Variants in FRS2 observed in about 807,000 individuals in gnomAD.
FRS2 encodes fibroblast growth factor receptor substrate 2.
Under a neutral mutation model 43.9 loss-of-function variants are expected in FRS2, and 8 were observed. The observed-to-expected ratio is 0.18, with a 90% CI of 0.11 to 0.33. The LOEUF (loss-of-function observed/expected upper bound fraction) is 0.33. Among genes scored for constraint, FRS2 ranks in the 10% least tolerant of loss-of-function variants. The pLI is 1.00. For missense variants in FRS2, 534 were observed against 627.6 expected (o/e 0.85, Z 1.59); for synonymous variants, 219 against 220.3 (o/e 0.99, Z 0.05).
chr12:69,546,101 A>G (rs550609687), intron 3 of FRS2, among the ~76,000 whole-genome samples: 2 of 152,332 alleles, frequency 1.3e-5, no homozygotes, highest in African/African-American at 4.8e-5. Flanking sequence ...TCAAAACCAA[A>G]AACTAATTTA....
At chr12:69,504,596 A>G (rs927763019) in intron 1 of FRS2, among the ~76,000 whole-genome samples, 1 of 152,226 alleles carries the variant, frequency 6.6e-6, no homozygotes, top group Non-Finnish European at 1.5e-5. Flanking sequence ...CTGCTATGTT[A>G]ACAGTTGCAT....
rs550828203 is a variant in FRS2, at chr12:69,574,398, C to G, written c.970C>G (p.Arg324Gly). Residue 324 changes from arginine to glycine, a missense_variant, in exon 9 of 9, where the codon CGT (arginine) becomes GGT (glycine). Arg to Gly is a moderately radical substitution (Grantham distance 125, BLOSUM62 -2). Transcript: ENST00000549921. The stretch of plus-strand genomic sequence containing the variant: ...TAGTGCCTCAGGGGTCAGGAGAGGT[C>G]GTCTGACATCCACCAGTACCTCAGA... ...IPSASGVRRGRLTSTSTSDTQ... is the reference protein window; with the variant it reads ...IPSASGVRRGGLTSTSTSDTQ... 5.6e-6 allele frequency: 9 copies of G among 1,613,800 alleles called. No homozygotes were observed. The highest frequency in any genetic ancestry group is 7.6e-6 in the Non-Finnish European group (9 of 1,179,748).
At chr12:69,498,446 T>C (rs748519334) in intron 1 of FRS2, among the ~76,000 whole-genome samples, 2 of 151,936 alleles carry the variant, frequency 1.3e-5, no homozygotes, top group Non-Finnish European at 2.9e-5. Flanking sequence ...CAACCTGCGG[T>C]TCATGCGGCC....
Position 69,578,109 on chromosome 12 carries a change from C to G in FRS2, c.*3154C>G, listed in dbSNP as rs1250849938. 1.3e-5 allele frequency: 2 copies of G among 152,588 alleles called. No individual in the cohort carries two copies. The highest frequency in any genetic ancestry group is 2.9e-5 in the Non-Finnish European group (2 of 68,004). 9.5% of individuals were successfully genotyped at this position (152,588 alleles called of 1,614,324 possible). A position where few individuals can be genotyped will look rare whatever the true frequency, so the allele number is the denominator to read the frequency against. On this transcript the variant is annotated 3_prime_UTR_variant, in exon 9 of 9. Transcript: ENST00000549921. ...ACAATGTGCCGCCATATTTTTGCCTCAAGGTAAAGGTTTTAACAGATGAAA... is the reference window on the plus strand; with the variant it reads ...ACAATGTGCCGCCATATTTTTGCCTGAAGGTAAAGGTTTTAACAGATGAAA...
chr12:69,489,008 T>C (rs1872212339), intron 1 of FRS2, among the ~76,000 whole-genome samples: 1 of 152,208 alleles, frequency 6.6e-6, no homozygotes, highest in East Asian at 1.9e-4. Context: ...AGTAGAAGTC[T>C]GTTAAAAGAG....
At chr12:69,516,671 G>A (rs1178630097) in intron 1 of FRS2, among the ~76,000 whole-genome samples, 1 of 152,110 alleles carries the variant, frequency 6.6e-6, no homozygotes, top group Non-Finnish European at 1.5e-5. Flanking sequence ...TCAACATTGA[G>A]TATACTATAC....
chr12:69,548,118 G>C (rs1354055804), intron 3 of FRS2, among the ~76,000 whole-genome samples: 1 of 152,112 alleles, frequency 6.6e-6, no homozygotes, highest in Non-Finnish European at 1.5e-5. Flanking sequence ...CTCCCGAGTT[G>C]CTGAAATTAC....
chr12:69,485,278 G>A (rs1871810327), intron 1 of FRS2, among the ~76,000 whole-genome samples: 1 of 152,036 alleles, frequency 6.6e-6, no homozygotes. Flanking sequence ...CGCTTCCCAG[G>A]TTCACGCCAT....
rs978082278 is a variant in FRS2, at chr12:69,576,712, G to A, written c.*1757G>A. ...ATAAATTATTAAAGGTGTCTTTATC[G>A]TTTTAGTGCCATTTTTAGTGTCTTT... is the stretch of plus-strand genomic sequence containing the variant. On this transcript the variant is annotated 3_prime_UTR_variant, in exon 9 of 9. Coordinates refer to ENST00000549921, the MANE Select transcript of FRS2 (RefSeq NM_001278356.2). 3.9e-5 allele frequency: 6 copies of A among 152,300 alleles called. No homozygotes were observed. Among genetic ancestry groups the A allele is most frequent in the African/African-American group, 1.4e-4 (6 of 41,426 alleles). The allele number at this position is 152,300 out of a possible 1,614,324, so 9.4% of individuals were successfully genotyped here.
At chr12:69,541,247 A>C (rs1418545713) in intron 3 of FRS2, among the ~76,000 whole-genome samples, 6 of 152,218 alleles carry the variant, frequency 3.9e-5, no homozygotes, top group Admixed American at 3.9e-4. Context: ...AGTTCTTACA[A>C]ACAGGCCCAA....
At chr12:69,498,245 A>G (rs979203020) in intron 1 of FRS2, among the ~76,000 whole-genome samples, 3 of 152,188 alleles carry the variant, frequency 2.0e-5, no homozygotes, top group Non-Finnish European at 4.4e-5. Flanking sequence ...CAATAATTTT[A>G]TGTTGTGGAT....
intron 3 of FRS2, among the ~76,000 whole-genome samples, chr12:69,538,788 A>C (rs1349665571): frequency 6.6e-6 from 1 of 152,222 alleles, no homozygotes; most frequent in Non-Finnish European, 1.5e-5. Context: ...CATTATTTTC[A>C]AAACACATTC....
intron 1 of FRS2, among the ~76,000 whole-genome samples, chr12:69,524,257 G>A (rs1875979765): frequency 6.6e-6 from 1 of 152,118 alleles, no homozygotes; most frequent in South Asian, 2.1e-4. Context: ...TGCACTCACG[G>A]CAGCAGAGGC....
intron 3 of FRS2, among the ~76,000 whole-genome samples, chr12:69,552,585 T>G (rs1382649344): frequency 2.6e-5 from 4 of 152,144 alleles, no homozygotes; most frequent in Non-Finnish European, 4.4e-5. Context: ...TGTCTTATTT[T>G]GTAGTTCATT....
intron 1 of FRS2, among the ~76,000 whole-genome samples, chr12:69,493,707 G>A (rs899416549): frequency 6.6e-6 from 1 of 152,126 alleles, no homozygotes; most frequent in African/African-American, 2.4e-5. Flanking sequence ...GGCAACAAGA[G>A]CGAAACTCCG....
At chr12:69,515,920 T>C (rs367911924) in intron 1 of FRS2, among the ~76,000 whole-genome samples, 4 of 128,760 alleles carry the variant, frequency 3.1e-5, no homozygotes, top group African/African-American at 1.2e-4. Flanking sequence ...AGGTGTCATA[T>C]CTAGGAGAAA....
At chr12:69,522,432 G>A (rs942163126) in intron 1 of FRS2, among the ~76,000 whole-genome samples, 1 of 152,038 alleles carries the variant, frequency 6.6e-6, no homozygotes, top group Non-Finnish European at 1.5e-5. Context: ...TTATATCTGT[G>A]GGATCAGTAG....
Position 69,575,067 on chromosome 12 carries a change from T to G in FRS2, c.*112T>G. 1 of 688,990 alleles carries G rather than the reference T, an allele frequency of 1.5e-6. No homozygotes were observed. The allele number at this position is 688,990 out of a possible 1,614,324, so 42.7% of individuals were successfully genotyped here. ...CTCCTTTTATAGACTGATAAAATTT[T>G]TTTCTGAATATTTCATGTGCATCTT... On this transcript the variant is annotated 3_prime_UTR_variant, in exon 9 of 9. Coordinates refer to ENST00000549921, the MANE Select transcript of FRS2 (RefSeq NM_001278356.2).
At chr12:69,569,153 A>G in intron 5 of FRS2, 57 bp downstream of exon 5, 2 of 965,576 alleles carry the variant, frequency 2.1e-6, no homozygotes, top group Non-Finnish European at 1.6e-6. Flanking sequence ...TTCTTCTTTT[A>G]TTTCACTTAA....
Sources: gnomAD v4.1 joint callset for allele counts (sites outside exome capture counted in the v4.1 genomes callset) on GRCh38, gnomAD v4.1.1 for gene constraint, MANE v1.5 for transcripts, NCBI Gene and HGNC (gene_info 2026-07-23, HGNC 2026-07-21) for gene names.